Variants in ASAP2 observed in about 807,000 individuals in gnomAD.
ASAP2 encodes the protein arf-GAP with SH3 domain, ANK repeat and PH domain-containing protein 2.
A neutral mutation model predicts 131.4 loss-of-function variants in ASAP2; 45 were observed. The observed-to-expected ratio is 0.34, with a 90% CI of 0.27 to 0.44. ASAP2 has a LOEUF of 0.44. Among genes scored for constraint, ASAP2 ranks in the 20% least tolerant of loss-of-function variants. The probability of loss-of-function intolerance (pLI) is 1.00; values close to 1 mark genes in which losing one functional copy is unlikely to be tolerated. For missense variants in ASAP2, 1,011 were observed against 1,297.0 expected (o/e 0.78, Z 3.39); for synonymous variants, 510 against 503.0 (o/e 1.01, Z -0.19).
intron 14 of ASAP2, among the ~76,000 whole-genome samples, 166 bp downstream of exon 14, chr2:9,356,511 C>T (rs1301553169): frequency 1.3e-5 from 2 of 152,128 alleles, no homozygotes; most frequent in Admixed American, 1.3e-4. Context: ...GTGCAGACCG[C>T]GGCAGGGGAG....
In ASAP2 at chr2:9,344,593, A is replaced by G. The variant is rs772628333; in HGVS notation, c.911A>G (p.His304Arg). Reference protein sequence around the residue: ...SLHQPQGNKEHGTERNGSLYK... With the variant: ...SLHQPQGNKERGTERNGSLYK... ...CATCAGCCTCAGGGAAACAAGGAAC[A>G]TGGGACCGAGCGGAACGGCAGCCTC... Residue 304 changes from histidine to arginine, a missense_variant, in exon 10 of 28, where the codon CAT becomes CGT. Physicochemically the swap from His to Arg is conservative, Grantham distance 29. Around this residue, in one of 2 missense-constraint regions of ASAP2, gnomAD observed 359 missense variants for 598.1 expected, o/e 0.60. Coordinates refer to ENST00000281419, the MANE Select transcript of ASAP2 (RefSeq NM_003887.3). 1.9e-6 allele frequency: 3 copies of G among 1,614,086 alleles called. No individual in the cohort carries two copies. Among genetic ancestry groups the G allele is most frequent in the South Asian group, 1.1e-5 (1 of 91,096 alleles).
At chr2:9,215,986 C>G (rs865836327) in intron 1 of ASAP2, among the ~76,000 whole-genome samples, 1 of 152,128 alleles carries the variant, frequency 6.6e-6, no homozygotes, top group Non-Finnish European at 1.5e-5. Flanking sequence ...AGCAGAGCTG[C>G]ACATTGGACC....
chr2:9,212,712 C>T (rs769322209), intron 1 of ASAP2, among the ~76,000 whole-genome samples: 1 of 152,216 alleles, frequency 6.6e-6, no homozygotes, highest in Non-Finnish European at 1.5e-5. Flanking sequence ...ATCCAGCTCT[C>T]AGCCGCCACA....
intron 2 of ASAP2, among the ~76,000 whole-genome samples, chr2:9,288,269 C>A (rs1008632489): frequency 2.0e-5 from 3 of 152,226 alleles, no homozygotes; most frequent in Non-Finnish European, 4.4e-5. Context: ...TCTGTTTCCT[C>A]ATCTGTAAAA....
At chr2:9,400,710 A>T (rs767274964) in intron 25 of ASAP2, 32 bp from the exon 26 acceptor site, 4 of 1,557,228 alleles carry the variant, frequency 2.6e-6, no homozygotes, top group Non-Finnish European at 3.5e-6. Context: ...GATTGATGGG[A>T]TGTCTTAAGC....
intron 3 of ASAP2, among the ~76,000 whole-genome samples, chr2:9,313,411 G>A (rs542963789): frequency 1.2e-4 from 18 of 152,082 alleles, no homozygotes; most frequent in East Asian, 1.2e-3. Flanking sequence ...CCACTCACTC[G>A]TGTACATTCA....
intron 21 of ASAP2, among the ~76,000 whole-genome samples, chr2:9,386,198 TTAGA>T: frequency 6.6e-6 from 1 of 152,122 alleles, no homozygotes; most frequent in East Asian, 1.9e-4. Context: ...GGATATCTAA[TTAGA>T]TGGATGGATA....
At chr2:9,303,613 TG>T (rs1224552365) in intron 3 of ASAP2, among the ~76,000 whole-genome samples, 12 of 152,228 alleles carry the variant, frequency 7.9e-5, no homozygotes, top group African/African-American at 2.4e-4. Flanking sequence ...CATTTATAGT[TG>T]GAAATTCCTT....
chr2:9,262,582 C>T (rs1472406012), intron 1 of ASAP2, among the ~76,000 whole-genome samples: 1 of 152,226 alleles, frequency 6.6e-6, no homozygotes, highest in Admixed American at 6.5e-5. Context: ...TTCCAGAATC[C>T]AGAACCAGTG....
At chr2:9,306,208 G>A (rs562819560) in intron 3 of ASAP2, among the ~76,000 whole-genome samples, 162 of 149,954 alleles carry the variant, frequency 1.1e-3, no homozygotes, top group African/African-American at 3.3e-3. Flanking sequence ...GCAGGAGGGT[G>A]TATATACCAC....
At chr2:9,230,270 A>G (rs757406935) in intron 1 of ASAP2, among the ~76,000 whole-genome samples, 19 of 152,206 alleles carry the variant, frequency 1.2e-4, no homozygotes, top group Non-Finnish European at 2.4e-4. Context: ...AGGAGTGAAC[A>G]GGGCTTGTTT....
chr2:9,221,414 C>T (rs1662412699), intron 1 of ASAP2, among the ~76,000 whole-genome samples: 1 of 151,340 alleles, frequency 6.6e-6, no homozygotes, highest in Non-Finnish European at 1.5e-5. Flanking sequence ...ATTGGCCTCC[C>T]AAAGTGCTGG....
intron 7 of ASAP2, among the ~76,000 whole-genome samples, chr2:9,332,768 C>T (rs1335331328): frequency 6.6e-6 from 1 of 152,066 alleles, no homozygotes; most frequent in Non-Finnish European, 1.5e-5. Context: ...CTATCTATTT[C>T]ACAAGAATTT....
chr2:9,223,068 T>A (rs1339006464), intron 1 of ASAP2, among the ~76,000 whole-genome samples: 1 of 152,246 alleles, frequency 6.6e-6, no homozygotes, highest in Non-Finnish European at 1.5e-5. Flanking sequence ...GAGGCCTTCC[T>A]GCATCTCTCA....
At chr2:9,211,096 G>A (rs1021526464) in intron 1 of ASAP2, among the ~76,000 whole-genome samples, 5 of 151,842 alleles carry the variant, frequency 3.3e-5, no homozygotes, top group East Asian at 1.9e-4. Context: ...TAGAGGTTGC[G>A]GTGAGTCGAG....
At chr2:9,340,860 G>A (rs1420499875) in intron 9 of ASAP2, among the ~76,000 whole-genome samples, 3 of 152,212 alleles carry the variant, frequency 2.0e-5, no homozygotes, top group Non-Finnish European at 4.4e-5. Context: ...TAAGATCAAG[G>A]ATGATGCCTG....
At position 9,390,918 on chromosome 2, in the gene ASAP2, G is replaced by A. The variant is rs548096162; in HGVS notation, c.2384-144G>A. Reference sequence around the variant, plus strand: ...CCACATGCCGGAGACAGGAGTAAAAGCATTGAGGGTTCTAGGTAGAAGGGT... The same window carrying A: ...CCACATGCCGGAGACAGGAGTAAAAACATTGAGGGTTCTAGGTAGAAGGGT... On this transcript the variant is annotated intron_variant, in intron 22 of 27. Transcript: ENST00000281419. 3.6e-4 allele frequency: 437 copies of A among 1,217,412 alleles called. 1 individual carries two copies. The highest frequency in any genetic ancestry group is 2.8e-3 in the Middle Eastern group (11 of 3,944). 75.4% of individuals were successfully genotyped at this position (1,217,412 alleles called of 1,614,324 possible). A position where few individuals can be genotyped will look rare whatever the true frequency, so the allele number is the denominator to read the frequency against.
At chr2:9,252,279 A>G (rs1664762900) in intron 1 of ASAP2, among the ~76,000 whole-genome samples, 1 of 152,230 alleles carries the variant, frequency 6.6e-6, no homozygotes, top group African/African-American at 2.4e-5. Context: ...AGGAAGAGTC[A>G]TTTTAAATAA....
intron 6 of ASAP2, 45 bp downstream of exon 6, chr2:9,323,295 G>A (rs1348248339): frequency 3.1e-6 from 5 of 1,609,632 alleles, no homozygotes; most frequent in South Asian, 1.1e-5. Flanking sequence ...GGCTGTGCCG[G>A]CTCTGCCCTC....
Sources: gnomAD v4.1 joint callset for allele counts (sites outside exome capture counted in the v4.1 genomes callset) on GRCh38, gnomAD v4.1.1 for gene constraint, gnomAD v4.1.1 regional missense constraint, MANE v1.5 for transcripts, NCBI Gene and HGNC (gene_info 2026-07-23, HGNC 2026-07-21) for gene names.